WNK1: variants seen among roughly 807,000 people sequenced by gnomAD.
WNK1 encodes the protein WNK lysine deficient protein kinase 1.
In WNK1, 38 loss-of-function variants were observed where a neutral mutation model predicts 222.8. The ratio of observed to expected loss-of-function variants is 0.17; its 90% confidence interval spans 0.13 to 0.22. The LOEUF is 0.22. Among genes scored for constraint, WNK1 ranks in the 10% least tolerant of loss-of-function variants. The pLI is 1.00. For missense variants in WNK1, 2,348 were observed against 2,918.4 expected (o/e 0.80, Z 4.50); for synonymous variants, 1,090 against 1,092.9 (o/e 1.00, Z 0.05).
chr12:872,942 G>A (rs907464749), intron 9 of WNK1, among the ~76,000 whole-genome samples: 2 of 152,192 alleles, frequency 1.3e-5, no homozygotes, highest in Non-Finnish European at 2.9e-5. Context: ...TGAACTGAAG[G>A]ACTGGGACTT....
chr12:807,928 C>T (rs1275610689), intron 1 of WNK1, among the ~76,000 whole-genome samples: 1 of 151,944 alleles, frequency 6.6e-6, no homozygotes, highest in Non-Finnish European at 1.5e-5. Context: ...ACCGTGTTAG[C>T]CAGGATGGTC....
intron 1 of WNK1, among the ~76,000 whole-genome samples, chr12:762,763 T>A (rs1749030516): frequency 6.8e-6 from 1 of 147,428 alleles, no homozygotes; most frequent in Admixed American, 6.7e-5. Context: ...CATTTTTTTT[T>A]TGAGACAGAG....
chr12:906,769 G>A, intron 26 of WNK1: 1 of 984,912 alleles, frequency 1.0e-6, no homozygotes, highest in Non-Finnish European at 1.2e-6. Flanking sequence ...GCTGAGCATG[G>A]TGGCTCACAC....
chr12:834,646 C>G (rs562318086), intron 4 of WNK1, among the ~76,000 whole-genome samples: 78 of 152,322 alleles, frequency 5.1e-4, no homozygotes, highest in African/African-American at 1.8e-3. Context: ...CACTTAATTT[C>G]TCTGTACTTC....
chr12:865,308 T>C, intron 8 of WNK1: 1 of 1,536,128 alleles, frequency 6.5e-7, no homozygotes, highest in Non-Finnish European at 8.7e-7. Flanking sequence ...GCCTATGCAC[T>C]CTGCCTCTCA....
At position 909,031 on chromosome 12, in the gene WNK1, G is replaced by A; in HGVS notation, c.*239G>A. ...GCTTTTTTGTCAAGGGGCAGCTTCAGACCATGCTTTCCTGTTTATCTATAC... is the reference window on the plus strand; with the variant it reads ...GCTTTTTTGTCAAGGGGCAGCTTCAAACCATGCTTTCCTGTTTATCTATAC... On this transcript the variant is annotated 3_prime_UTR_variant, in exon 28 of 28. Coordinates refer to ENST00000315939, the MANE Select transcript of WNK1 (RefSeq NM_018979.4). 1.8e-6 allele frequency: 1 copy of A among 555,732 alleles called. No individual in the cohort carries two copies. Among genetic ancestry groups the A allele is most frequent in the Middle Eastern group, 4.9e-4 (1 of 2,022 alleles). The allele number at this position is 555,732 out of a possible 1,614,324, so 34.4% of individuals were successfully genotyped here.
intron 1 of WNK1, among the ~76,000 whole-genome samples, chr12:808,910 C>T (rs1328369467): frequency 6.6e-6 from 1 of 151,852 alleles, no homozygotes; most frequent in African/African-American, 2.4e-5. Flanking sequence ...ATTACAGGCG[C>T]CTGCCACCAC....
At chr12:897,787 G>A (rs1954876765) in intron 25 of WNK1, 106 bp downstream of exon 25, 2 of 1,234,056 alleles carry the variant, frequency 1.6e-6, no homozygotes, top group East Asian at 2.5e-5. Context: ...AATTTCAAAG[G>A]AATTTGGCTC....
chr12:899,146 T>G (rs1488393715), intron 25 of WNK1, among the ~76,000 whole-genome samples: 5 of 152,202 alleles, frequency 3.3e-5, no homozygotes, highest in African/African-American at 1.2e-4. Context: ...TAAAATATGT[T>G]AAAAAGCAGT....
intron 4 of WNK1, among the ~76,000 whole-genome samples, chr12:836,787 A>G (rs1565497567): frequency 6.6e-6 from 1 of 152,196 alleles, no homozygotes; most frequent in Non-Finnish European, 1.5e-5. Context: ...GAATTTTTGA[A>G]GTTTGTTTAT....
At chr12:762,427 G>C (rs1275990562) in intron 1 of WNK1, among the ~76,000 whole-genome samples, 1 of 147,680 alleles carries the variant, frequency 6.8e-6, no homozygotes, top group Non-Finnish European at 1.5e-5. Flanking sequence ...TTTTTATACT[G>C]TAGTGTTTTA....
chr12:823,756 G>T (rs1425876171), intron 2 of WNK1, among the ~76,000 whole-genome samples: 4 of 152,214 alleles, frequency 2.6e-5, no homozygotes, highest in African/African-American at 9.6e-5. Context: ...ATTGTTTTTA[G>T]TAAATATCTT....
At chr12:837,594 A>G (rs1384782799) in intron 4 of WNK1, among the ~76,000 whole-genome samples, 1 of 149,880 alleles carries the variant, frequency 6.7e-6, no homozygotes, top group Non-Finnish European at 1.5e-5. Context: ...AAAAAAAAAG[A>G]AAAGAAAAGA....
At chr12:829,946 T>G in intron 3 of WNK1, 57 bp from the exon 4 acceptor site, 1 of 1,599,726 alleles carries the variant, frequency 6.3e-7, no homozygotes, top group Non-Finnish European at 8.6e-7. Context: ...CTCACCCCGG[T>G]GAGTAACGTC....
At chr12:761,359 C>T (rs1940998270) in intron 1 of WNK1, among the ~76,000 whole-genome samples, 1 of 147,946 alleles carries the variant, frequency 6.8e-6, no homozygotes, top group African/African-American at 2.4e-5. Flanking sequence ...AGCTGTTAGT[C>T]ATAACAAGCA....
At chr12:801,802 C>T (rs1945903798) in intron 1 of WNK1, among the ~76,000 whole-genome samples, 2 of 152,100 alleles carry the variant, frequency 1.3e-5, no homozygotes, top group African/African-American at 4.8e-5. Context: ...GATATAAAGA[C>T]AGAACTCTGG....
chr12:897,905 A>G (rs1954887433), intron 25 of WNK1, among the ~76,000 whole-genome samples: 1 of 152,230 alleles, frequency 6.6e-6, no homozygotes. Flanking sequence ...ATTGTAATCC[A>G]TATTGCTATC....
At chr12:846,888 A>G (rs559769395) in intron 4 of WNK1, among the ~76,000 whole-genome samples, 1 of 152,326 alleles carries the variant, frequency 6.6e-6, no homozygotes, top group East Asian at 1.9e-4. Flanking sequence ...TTATTTCTTT[A>G]GCAGCTAGAA....
chr12:865,478 T>C (rs1951587319), intron 8 of WNK1: 1 of 1,345,274 alleles, frequency 7.4e-7, no homozygotes. Context: ...GGTTATATTA[T>C]GCTTCTAGGA....
Sources: gnomAD v4.1 joint callset for allele counts (sites outside exome capture counted in the v4.1 genomes callset) on GRCh38, gnomAD v4.1.1 for gene constraint, MANE v1.5 for transcripts, NCBI Gene and HGNC (gene_info 2026-07-23, HGNC 2026-07-21) for gene names.